Variants in ZNF804B observed in about 807,000 individuals in gnomAD.
The protein encoded by ZNF804B is zinc finger 804B.
ZNF804B carries 80 observed loss-of-function variants against 101.4 expected under a neutral mutation model. The ratio of observed to expected loss-of-function variants is 0.79; its 90% CI spans 0.66 to 0.95. ZNF804B has a LOEUF of 0.95. Ranked by LOEUF, ZNF804B falls within the 40% of genes least tolerant of loss-of-function variation. The pLI is 0.00. For synonymous variants in ZNF804B, 622 were observed against 558.8 expected, an observed-to-expected ratio of 1.11 and a Z score of -1.59; for missense variants, 1,673 against 1,561.9, an observed-to-expected ratio of 1.07 and a Z score of -1.20.
intron 1 of ZNF804B, among the ~76,000 whole-genome samples, chr7:88,909,902 A>G (rs1001679944): frequency 2.6e-5 from 4 of 151,768 alleles, no homozygotes; most frequent in African/African-American, 9.7e-5. Flanking sequence ...CACATATTTC[A>G]TATTTCTGTT....
chr7:89,276,542 A>G (rs891115423), intron 2 of ZNF804B, among the ~76,000 whole-genome samples: 3 of 151,936 alleles, frequency 2.0e-5, no homozygotes, highest in African/African-American at 7.3e-5. Context: ...CTTCTGAGAT[A>G]AATTATGAGA....
chr7:88,923,399 A>T (rs532867556), intron 1 of ZNF804B, among the ~76,000 whole-genome samples: 1 of 152,202 alleles, frequency 6.6e-6, no homozygotes, highest in Admixed American at 6.5e-5. Context: ...TTGTCTTCTA[A>T]TTTTTTTGTT....
chr7:89,144,909 C>A (rs973485459), intron 1 of ZNF804B, among the ~76,000 whole-genome samples: 5 of 151,632 alleles, frequency 3.3e-5, no homozygotes, highest in African/African-American at 4.8e-5. Flanking sequence ...AGTTATAGTC[C>A]ACCTTGGGCC....
chr7:88,879,889 A>G (rs1204986190), intron 1 of ZNF804B, among the ~76,000 whole-genome samples: 4 of 152,010 alleles, frequency 2.6e-5, no homozygotes, highest in Non-Finnish European at 5.9e-5. Flanking sequence ...AAATACAAAA[A>G]TTAGTCGGGT....
intron 1 of ZNF804B, among the ~76,000 whole-genome samples, chr7:89,189,740 T>C (rs1437253787): frequency 1.3e-5 from 2 of 152,110 alleles, no homozygotes; most frequent in East Asian, 3.9e-4. Flanking sequence ...TTCCCATTTC[T>C]CTCTGGGACT....
At chr7:89,136,342 T>C (rs1790634089) in intron 1 of ZNF804B, among the ~76,000 whole-genome samples, 1 of 152,120 alleles carries the variant, frequency 6.6e-6, no homozygotes, top group African/African-American at 2.4e-5. Context: ...GGGGTCTCAA[T>C]TTCTTTACTG....
chr7:89,027,668 C>T (rs753256913), intron 1 of ZNF804B, among the ~76,000 whole-genome samples: 29 of 152,256 alleles, frequency 1.9e-4, no homozygotes, highest in Non-Finnish European at 3.2e-4. Context: ...TGGGTCTGCA[C>T]TGTTATATGT....
chr7:89,315,913 A>G (rs1384020587), intron 2 of ZNF804B, among the ~76,000 whole-genome samples: 4 of 152,324 alleles, frequency 2.6e-5, no homozygotes, highest in Non-Finnish European at 5.9e-5. Context: ...TGAAAACACT[A>G]AAATTCCTAG....
chr7:88,927,336 A>T (rs936087321), intron 1 of ZNF804B, among the ~76,000 whole-genome samples: 3 of 152,226 alleles, frequency 2.0e-5, no homozygotes, highest in African/African-American at 4.8e-5. Context: ...TTCTAGTAAA[A>T]GCACAAACTA....
intron 2 of ZNF804B, among the ~76,000 whole-genome samples, chr7:89,298,497 G>A (rs375026124): frequency 5.3e-5 from 8 of 150,588 alleles, no homozygotes; most frequent in South Asian, 2.1e-4. Flanking sequence ...GTGGGATTAC[G>A]TAGTATATGC....
chr7:88,877,619 C>T (rs963576746), intron 1 of ZNF804B, among the ~76,000 whole-genome samples: 1 of 151,998 alleles, frequency 6.6e-6, no homozygotes, highest in Non-Finnish European at 1.5e-5. Context: ...TACTTAGCTT[C>T]CCCACCCAGT....
At position 89,317,035 on chromosome 7, in the gene ZNF804B, A is replaced by C. The variant is rs138635074; in HGVS notation, c.250-10309A>C. 1.1e-3 allele frequency among the ~76,000 whole-genome samples: 166 copies of C among 152,284 alleles called. 4 individuals carry two copies. In the East Asian group the frequency reaches 0.031, roughly 28 times the overall value. On this transcript the variant is annotated intron_variant, in intron 2 of 3. Transcript: ENST00000333190. ...TACAGAGAAATGTTATCTACAATGG[A>C]GGGAGGTCAGGACTATTGAGAAAGC...
chr7:88,848,545 A>T (rs1364768023), intron 1 of ZNF804B, among the ~76,000 whole-genome samples: 2 of 151,994 alleles, frequency 1.3e-5, no homozygotes, highest in African/African-American at 4.8e-5. Context: ...CAGATGTAAA[A>T]CCTGAAGAAA....
intron 1 of ZNF804B, among the ~76,000 whole-genome samples, chr7:89,028,832 A>G (rs1788787356): frequency 6.6e-6 from 1 of 152,162 alleles, no homozygotes; most frequent in African/African-American, 2.4e-5. Flanking sequence ...ACATATAAAG[A>G]ACCTGAAGTA....
intron 2 of ZNF804B, among the ~76,000 whole-genome samples, chr7:89,230,309 G>A (rs1044857610): frequency 1.5e-4 from 2 of 13,620 alleles, no homozygotes; most frequent in Non-Finnish European, 4.0e-4. Context: ...TGGGGAGGGG[G>A]AGAGAGAGAG....
At chr7:89,021,287 C>T (rs1481604415) in intron 1 of ZNF804B, among the ~76,000 whole-genome samples, 1 of 152,124 alleles carries the variant, frequency 6.6e-6, no homozygotes, top group Non-Finnish European at 1.5e-5. Flanking sequence ...GGTGGCAATG[C>T]TGTGGCTTTG....
chr7:88,816,942 T>C (rs1232573700), intron 1 of ZNF804B, among the ~76,000 whole-genome samples: 1 of 148,680 alleles, frequency 6.7e-6, no homozygotes, highest in African/African-American at 2.5e-5. Context: ...GGTATGTTTA[T>C]TGTGGCACTA....
intron 1 of ZNF804B, among the ~76,000 whole-genome samples, chr7:89,183,351 C>A (rs373733126): frequency 6.6e-6 from 1 of 151,786 alleles, no homozygotes; most frequent in East Asian, 1.9e-4. Context: ...AAATGGTATT[C>A]ATTTTATGGT....
intron 2 of ZNF804B, among the ~76,000 whole-genome samples, chr7:89,289,151 TG>T (rs35298947): frequency 0.28 from 42,603 of 151,804 alleles, 6,076 homozygotes; most frequent in African/African-American, 0.33. Flanking sequence ...TCTATTACAA[TG>T]GTAAGAAATG....
Sources: allele counts gnomAD v4.1 joint callset (sites outside exome capture counted in the v4.1 genomes callset), GRCh38; gene constraint gnomAD v4.1.1; transcripts MANE v1.5; gene names NCBI Gene and HGNC (gene_info 2026-07-23, HGNC 2026-07-21).